Variants in MGAT4C observed in about 807,000 individuals in gnomAD.
MGAT4C encodes the protein alpha-1,3-mannosyl-glycoprotein 4-beta-N-acetylglucosaminyltransferase C.
In MGAT4C, 19 loss-of-function variants were observed where a neutral mutation model predicts 40.1. The observed-to-expected ratio is 0.47, with a 90% CI of 0.33 to 0.70. MGAT4C has a LOEUF of 0.70. Ranked by LOEUF, MGAT4C falls within the 30% of genes least tolerant of loss-of-function variation. MGAT4C has a pLI of 0.02. For synonymous variants in MGAT4C, 181 were observed against 187.1 expected (o/e 0.97, Z 0.27); for missense variants, 491 against 563.2 (o/e 0.87, Z 1.30).
intron 1 of MGAT4C, among the ~76,000 whole-genome samples, chr12:86,169,771 T>G (rs894357170): frequency 6.6e-6 from 1 of 152,102 alleles, no homozygotes; most frequent in African/African-American, 2.4e-5. Context: ...CTTTTACCTT[T>G]GAGGGGAAAA....
intron 1 of MGAT4C, among the ~76,000 whole-genome samples, chr12:86,245,643 T>C (rs963257100): frequency 6.6e-6 from 1 of 152,112 alleles, no homozygotes; most frequent in Non-Finnish European, 1.5e-5. Context: ...AAACCCCCCT[T>C]TTGATCTCAA....
At chr12:86,474,569 T>C (rs1957805339) in intron 2 of MGAT4C, among the ~76,000 whole-genome samples, 1 of 152,056 alleles carries the variant, frequency 6.6e-6, no homozygotes, top group Non-Finnish European at 1.5e-5. Flanking sequence ...CCCCCTTGAC[T>C]AGAAGTAATT....
At chr12:86,684,990 G>A (rs748780691) in intron 2 of MGAT4C, among the ~76,000 whole-genome samples, 2 of 151,996 alleles carry the variant, frequency 1.3e-5, no homozygotes, top group Non-Finnish European at 2.9e-5. Context: ...TATGTTGCCT[G>A]TTCACCCTGA....
chr12:86,106,469 T>G (rs1876199917), intron 1 of MGAT4C, among the ~76,000 whole-genome samples: 1 of 152,074 alleles, frequency 6.6e-6, no homozygotes, highest in Non-Finnish European at 1.5e-5. Flanking sequence ...CCTGGCTAAT[T>G]TTTTTACATT....
intron 1 of MGAT4C, among the ~76,000 whole-genome samples, chr12:86,178,987 C>T (rs1025711816): frequency 2.0e-5 from 3 of 152,114 alleles, no homozygotes; most frequent in African/African-American, 7.2e-5. Flanking sequence ...CAATACGATA[C>T]TATTCACATT....
At chr12:86,288,023 CT>C in intron 4 of MGAT4C, among the ~76,000 whole-genome samples, 1 of 152,278 alleles carries the variant, frequency 6.6e-6, no homozygotes, top group South Asian at 2.1e-4. Flanking sequence ...TGTTTCCTGA[CT>C]TTTTAATGAT....
At chr12:86,169,564 T>C (rs367822265) in intron 1 of MGAT4C, among the ~76,000 whole-genome samples, 3 of 152,210 alleles carry the variant, frequency 2.0e-5, no homozygotes, top group Admixed American at 1.3e-4. Context: ...ATTTATTCTA[T>C]ATTTTGTTTA....
Position 85,963,926 on chromosome 12 carries a change from A to T in MGAT4C, c.*15363T>A, listed in dbSNP as rs1883235292. 6.6e-6 allele frequency: 1 copy of T among 152,074 alleles called. No homozygotes were observed. The highest frequency in any genetic ancestry group is 1.5e-5 in the Non-Finnish European group (1 of 67,950). 9.4% of individuals were successfully genotyped at this position (152,074 alleles called of 1,614,324 possible). A position where few individuals can be genotyped will look rare whatever the true frequency, so the allele number is the denominator to read the frequency against. On this transcript the variant is annotated 3_prime_UTR_variant, in exon 5 of 5. Coordinates refer to ENST00000611864, the MANE Select transcript of MGAT4C (RefSeq NM_001351288.2). ...GTAAGCAACAGGATACTTCAAGAGT[A>T]AAATGGGAAAAAATCATATTGGGTA...
intron 2 of MGAT4C, among the ~76,000 whole-genome samples, chr12:86,570,932 A>G (rs7959673): frequency 0.93 from 141,527 of 151,878 alleles, 66,021 homozygotes; most frequent in East Asian, 1. Flanking sequence ...TCATGCCTCA[A>G]ACTCCCAAGT....
At chr12:86,648,809 T>C (rs1963618077) in intron 2 of MGAT4C, among the ~76,000 whole-genome samples, 1 of 151,918 alleles carries the variant, frequency 6.6e-6, no homozygotes, top group Non-Finnish European at 1.5e-5. Context: ...ATTGTTTATA[T>C]AATTGTTAGA....
rs528834180 is a variant in MGAT4C, at chr12:86,488,155, T to A, written c.-228-52890A>T. Among the ~76,000 whole-genome samples the A allele has an allele frequency of 6.0e-5, 9 of 151,140 alleles. No individual in the cohort carries two copies. The South Asian group carries it at 1.5e-3, about 25-fold the overall frequency. On this transcript the variant is annotated intron_variant, in intron 2 of 7. Transcript: ENST00000548651. ...TCTCAACACCTTTGGGAGGCTGAAG[T>A]GAGAGGATAGTGTGGACCTACAACA...
chr12:86,388,409 T>C (rs1244680276), intron 3 of MGAT4C, among the ~76,000 whole-genome samples: 1 of 152,098 alleles, frequency 6.6e-6, no homozygotes, highest in Non-Finnish European at 1.5e-5. Flanking sequence ...GAATGAGAAG[T>C]TAGCTCATTA....
chr12:86,718,824 G>A (rs1000256463), intron 2 of MGAT4C, among the ~76,000 whole-genome samples: 3 of 152,070 alleles, frequency 2.0e-5, no homozygotes, highest in African/African-American at 7.2e-5. Context: ...TTTATCTGAG[G>A]TGGGTCAGTT....
In MGAT4C at chr12:86,453,133, C is replaced by T. The variant is rs528522070; in HGVS notation, c.-228-17868G>A. Among the ~76,000 whole-genome samples, 3 of 152,158 alleles carry T rather than the reference C, an allele frequency of 2.0e-5. No homozygotes were observed. The South Asian group carries it at 6.2e-4, about 32-fold the overall frequency. On this transcript the variant is annotated intron_variant, in intron 2 of 7. Transcript: ENST00000548651. ...CTTCCTTTAAATGAGAATGAATATG[C>T]CACTCAAAGTGTATATTTAAATCAT...
chr12:86,775,757 G>A (rs1302015898), intron 1 of MGAT4C, among the ~76,000 whole-genome samples: 1 of 151,548 alleles, frequency 6.6e-6, no homozygotes, highest in Non-Finnish European at 1.5e-5. Context: ...CTTATCATTT[G>A]CTAGACCAAA....
At chr12:86,351,263 T>C in intron 3 of MGAT4C, among the ~76,000 whole-genome samples, 1 of 152,142 alleles carries the variant, frequency 6.6e-6, no homozygotes, top group South Asian at 2.1e-4. Flanking sequence ...TTTTGTTTAA[T>C]AATGATATAT....
At chr12:86,804,749 T>A (rs1190120703) in intron 1 of MGAT4C, among the ~76,000 whole-genome samples, 1 of 152,026 alleles carries the variant, frequency 6.6e-6, no homozygotes, top group Non-Finnish European at 1.5e-5. Context: ...ATTTGCACAT[T>A]TCTCAACAGT....
At chr12:86,772,788 A>G (rs991387239) in intron 1 of MGAT4C, among the ~76,000 whole-genome samples, 3 of 152,208 alleles carry the variant, frequency 2.0e-5, no homozygotes, top group African/African-American at 7.2e-5. Context: ...ATTGAAACGT[A>G]TATCCAATTC....
rs1884243171 is a variant in MGAT4C, at chr12:85,979,183, T to C, written c.*106A>G. On this transcript the variant is annotated 3_prime_UTR_variant, in exon 5 of 5. Transcript: ENST00000611864. ...ATGAAAACTGCCAATGTAATTAATG[T>C]TTCTTTTAACATATCCCATCCATTG... 1.2e-6 allele frequency: 1 copy of C among 850,286 alleles called. No individual in the cohort carries two copies. The highest frequency in any genetic ancestry group is 2.6e-5 in the East Asian group (1 of 38,302). 52.7% of individuals were successfully genotyped at this position (850,286 alleles called of 1,614,324 possible).
Sources: gnomAD v4.1 joint callset for allele counts (sites outside exome capture counted in the v4.1 genomes callset) on GRCh38, gnomAD v4.1.1 for gene constraint, MANE v1.5 for transcripts, NCBI Gene and HGNC (gene_info 2026-07-23, HGNC 2026-07-21) for gene names.